TBC1D22B: variants seen among roughly 807,000 people sequenced by gnomAD.
The protein encoded by TBC1D22B is chromosome 6 open reading frame 197.
A neutral mutation model predicts 69.1 loss-of-function variants in TBC1D22B; 32 were observed. That is an observed-to-expected ratio of 0.46 (90% CI 0.35 to 0.62). TBC1D22B has a LOEUF of 0.62. TBC1D22B is among the 20% of genes least tolerant of loss of function. TBC1D22B has a pLI of 0.00. For synonymous variants in TBC1D22B, 206 were observed against 229.8 expected, an observed-to-expected ratio of 0.90 and a Z score of 0.94; for missense variants, 462 against 630.9, an observed-to-expected ratio of 0.73 and a Z score of 2.87.
At chr6:37,291,054 C>G (rs1767163214) in intron 7 of TBC1D22B, among the ~76,000 whole-genome samples, 189 bp from the exon 8 acceptor site, 1 of 152,064 alleles carries the variant, frequency 6.6e-6, no homozygotes, top group Non-Finnish European at 1.5e-5. Context: ...AAGTATCTAC[C>G]CCTACTTGAA....
chr6:37,274,897 C>A (rs996021486), intron 2 of TBC1D22B, among the ~76,000 whole-genome samples: 3 of 152,100 alleles, frequency 2.0e-5, no homozygotes, highest in African/African-American at 7.2e-5. Context: ...ACTAAAAATA[C>A]AAAAATTAGC....
At chr6:37,269,907 G>T (rs918132826) in intron 2 of TBC1D22B, among the ~76,000 whole-genome samples, 12 of 152,162 alleles carry the variant, frequency 7.9e-5, no homozygotes, top group Admixed American at 6.5e-4. Flanking sequence ...TTGGTCAAAA[G>T]AGAATAGTCA....
At chr6:37,280,710 T>C (rs1766797985) in intron 3 of TBC1D22B, among the ~76,000 whole-genome samples, 1 of 152,240 alleles carries the variant, frequency 6.6e-6, no homozygotes, top group South Asian at 2.1e-4. Context: ...GAGGAGGTTT[T>C]CTCCTGCCGG....
chr6:37,272,731 TC>T (rs2113725720), intron 2 of TBC1D22B, among the ~76,000 whole-genome samples: 1 of 152,270 alleles, frequency 6.6e-6, no homozygotes, highest in South Asian at 2.1e-4. Context: ...ATCTGTGTGA[TC>T]GTCCCATTAA....
At chr6:37,283,436 C>T (rs1013635765) in intron 5 of TBC1D22B, among the ~76,000 whole-genome samples, 3 of 152,228 alleles carry the variant, frequency 2.0e-5, no homozygotes, top group Non-Finnish European at 4.4e-5. Context: ...CTGTAAAATT[C>T]ATTCATTCAT....
intron 8 of TBC1D22B, among the ~76,000 whole-genome samples, chr6:37,302,626 T>C (rs1443328464): frequency 1.3e-5 from 2 of 152,232 alleles, no homozygotes; most frequent in Non-Finnish European, 2.9e-5. Flanking sequence ...TTTTCTCTTT[T>C]CCTTTGCATA....
intron 8 of TBC1D22B, among the ~76,000 whole-genome samples, chr6:37,308,349 G>A (rs1182832162): frequency 6.6e-6 from 1 of 152,210 alleles, no homozygotes; most frequent in Non-Finnish European, 1.5e-5. Flanking sequence ...TATGCTGAAT[G>A]AAGCCCTTCA....
At chr6:37,267,614 A>G (rs1402090925) in intron 1 of TBC1D22B, among the ~76,000 whole-genome samples, 1 of 149,730 alleles carries the variant, frequency 6.7e-6, no homozygotes, top group African/African-American at 2.5e-5. Flanking sequence ...TTTTTATTTT[A>G]GTGATTGTGT....
At chr6:37,280,747 G>A (rs1299437474) in intron 3 of TBC1D22B, among the ~76,000 whole-genome samples, 4 of 152,086 alleles carry the variant, frequency 2.6e-5, no homozygotes, top group Non-Finnish European at 5.9e-5. Context: ...GGTAATATGA[G>A]ATTTACCTCT....
chr6:37,299,157 C>G (rs1452436259), intron 8 of TBC1D22B, among the ~76,000 whole-genome samples: 1 of 152,142 alleles, frequency 6.6e-6, no homozygotes, highest in Non-Finnish European at 1.5e-5. Context: ...GTTTTTGTTT[C>G]CACTTTCTGG....
Position 37,298,539 on chromosome 6 carries a change from GTTTTTT to G in TBC1D22B, c.982+7201_982+7206del, listed in dbSNP as rs34996865. Among the ~76,000 whole-genome samples, 23 of 71,264 alleles carry G rather than the reference GTTTTTT, an allele frequency of 3.2e-4. No homozygotes were observed. In the South Asian group the frequency reaches 0.013, roughly 40 times the overall value. The allele number at this position is 71,264 out of a possible 152,430, so 46.8% of individuals were successfully genotyped here. A position where few individuals can be genotyped will look rare whatever the true frequency, so the allele number is the denominator to read the frequency against. On this transcript the variant is annotated intron_variant, in intron 8 of 12. Coordinates refer to ENST00000373491, the MANE Select transcript of TBC1D22B (RefSeq NM_017772.4). ...TAGAAGAACATTTAAGTTGCCTACA[GTTTTTT>G]TTTTTTTTTTTTTTTTTTGAGACGG...
At chr6:37,301,939 C>A (rs1477295562) in intron 8 of TBC1D22B, among the ~76,000 whole-genome samples, 4 of 152,052 alleles carry the variant, frequency 2.6e-5, no homozygotes, top group Non-Finnish European at 5.9e-5. Flanking sequence ...GGCATCCTTA[C>A]CCCACTGCCC....
At chr6:37,285,066 A>G (rs1191515829) in intron 6 of TBC1D22B, among the ~76,000 whole-genome samples, 1 of 152,106 alleles carries the variant, frequency 6.6e-6, no homozygotes, top group Admixed American at 6.5e-5. Flanking sequence ...TGCTCCCAAC[A>G]TCACATGTGG....
chr6:37,327,495 A>AT (rs1768456856), intron 12 of TBC1D22B, among the ~76,000 whole-genome samples: 1 of 93,796 alleles, frequency 1.1e-5, no homozygotes, highest in African/African-American at 5.8e-5. Context: ...AAAAAAAAAA[A>AT]AAAAAAAAAA....
In TBC1D22B at chr6:37,308,367, T is replaced by C. The variant is rs60891068; in HGVS notation, c.983-4551T>C. On this transcript the variant is annotated intron_variant, in intron 8 of 12. Transcript: ENST00000373491. ...GCTGAATGAAGCCCTTCAGAGAGCATTTGCTCCTCCCTTTCTCCACTGCTT... is the reference window on the plus strand; with the variant it reads ...GCTGAATGAAGCCCTTCAGAGAGCACTTGCTCCTCCCTTTCTCCACTGCTT... Among the ~76,000 whole-genome samples the C allele has an allele frequency of 4.0e-3, 603 of 152,318 alleles. 5 individuals carry two copies. Among genetic ancestry groups the C allele is most frequent in the African/African-American group, 0.014 (576 of 41,570 alleles).
chr6:37,311,570 G>A (rs1203207364), intron 8 of TBC1D22B, among the ~76,000 whole-genome samples: 2 of 152,082 alleles, frequency 1.3e-5, no homozygotes, highest in Admixed American at 6.6e-5. Flanking sequence ...CTACTTGGGA[G>A]GCTGAGGTGG....
chr6:37,258,422 G>A (rs1162943129), intron 1 of TBC1D22B, among the ~76,000 whole-genome samples: 3 of 152,182 alleles, frequency 2.0e-5, no homozygotes, highest in Admixed American at 6.5e-5. Context: ...GAAGGATTCC[G>A]GTGGGAGTTT....
intron 5 of TBC1D22B, among the ~76,000 whole-genome samples, chr6:37,284,114 G>A (rs1480176210): frequency 6.6e-6 from 1 of 152,174 alleles, no homozygotes; most frequent in African/African-American, 2.4e-5. Flanking sequence ...CAGGGCCAAG[G>A]GAGTAAATAA....
At chr6:37,314,846 T>C (rs1380442302) in intron 10 of TBC1D22B, among the ~76,000 whole-genome samples, 12 of 144,296 alleles carry the variant, frequency 8.3e-5, no homozygotes, top group African/African-American at 1.7e-4. Flanking sequence ...AAAACCTTCA[T>C]TGAGTTGTTC....
Sources: gnomAD v4.1 joint callset for allele counts (sites outside exome capture counted in the v4.1 genomes callset) on GRCh38, gnomAD v4.1.1 for gene constraint, MANE v1.5 for transcripts, NCBI Gene and HGNC (gene_info 2026-07-23, HGNC 2026-07-21) for gene names.